The following SYNE2 variants were observed in gnomAD, a reference collection of about 807,000 sequenced individuals.
The protein encoded by SYNE2 is spectrin repeat containing nuclear envelope protein 2.
SYNE2 carries 431 observed loss-of-function variants against 856.3 expected under a neutral mutation model. The ratio of observed to expected loss-of-function variants is 0.50; its 90% CI spans 0.47 to 0.55. The LOEUF (loss-of-function observed/expected upper bound fraction) is 0.55. SYNE2 is among the 20% of genes least tolerant of loss of function. The pLI is 0.00. For missense variants in SYNE2, 8,129 were observed against 8,023.2 expected (o/e 1.01, Z -0.50); for synonymous variants, 2,923 against 2,872.3 (o/e 1.02, Z -0.56).
chr14:64,191,774 G>A (rs949915836), intron 99 of SYNE2, among the ~76,000 whole-genome samples: 1 of 151,734 alleles, frequency 6.6e-6, no homozygotes, highest in Non-Finnish European at 1.5e-5. Flanking sequence ...CCAGTTGGGG[G>A]AAAAAAAACA....
intron 28 of SYNE2, among the ~76,000 whole-genome samples, chr14:64,001,341 G>A (rs2096753346): frequency 6.6e-6 from 1 of 152,208 alleles, no homozygotes; most frequent in Non-Finnish European, 1.5e-5. Flanking sequence ...GAAAGGCTTA[G>A]TATGTTTTAC....
intron 51 of SYNE2, among the ~76,000 whole-genome samples, chr14:64,068,413 C>G (rs549536794): frequency 2.0e-5 from 3 of 152,182 alleles, no homozygotes; most frequent in Admixed American, 2.0e-4. Flanking sequence ...CTTTTTTTCA[C>G]TAAGCATAAT....
chr14:63,931,896 T>G (rs2095760965), intron 2 of SYNE2, among the ~76,000 whole-genome samples: 1 of 152,222 alleles, frequency 6.6e-6, no homozygotes, highest in African/African-American at 2.4e-5. Context: ...TAGCTGGGTC[T>G]ATAGGCATTT....
At chr14:63,972,562 G>A (rs746361249) in intron 11 of SYNE2, among the ~76,000 whole-genome samples, 3 of 152,100 alleles carry the variant, frequency 2.0e-5, no homozygotes, top group Non-Finnish European at 4.4e-5. Flanking sequence ...CATAGTAAAT[G>A]GTTTCATACT....
At chr14:63,773,771 T>G (rs1887008792) in intron 1 of SYNE2, among the ~76,000 whole-genome samples, 1 of 152,192 alleles carries the variant, frequency 6.6e-6, no homozygotes, top group Non-Finnish European at 1.5e-5. Context: ...AAGACTGTCA[T>G]GTCTAAAGCA....
Position 63,961,581 on chromosome 14 carries a change from C to G in SYNE2, c.844C>G (p.Leu282Val). 3 of 1,614,134 alleles carry G rather than the reference C, an allele frequency of 1.9e-6. No homozygotes were observed. Among genetic ancestry groups the G allele is most frequent in the Non-Finnish European group, 2.5e-6 (3 of 1,179,990 alleles). Residue 282 changes from leucine (L) to valine (V), a missense_variant, in exon 9 of 116, where the codon CTG becomes GTG. This residue lies in a region of SYNE2 where 2,422 missense variants were observed against 2,357.4 expected (regional missense o/e 1.03). Transcript: ENST00000555002. ...KSIMTYVAQF[L>V]QYSKDAPGTG... ...CATCATGACCTATGTGGCACAGTTT[C>G]TGCAGTATTCCAAAGATGCCCCTGG...
rs1567015699 is a variant in SYNE2 at position 64,000,628 on chromosome 14, CATGTGA to C, written c.3551_3556del (p.Val1184_Asn1185del). On this transcript the variant is annotated inframe_deletion, in exon 28 of 116. Coordinates refer to ENST00000555002, the MANE Select transcript of SYNE2 (RefSeq NM_182914.3). ...AATTATTTCATTGAAGTTAGAAAAT[CATGTGA>C]ATGACATAAAAAAGCCTTTTGTAAT... The C allele has an allele frequency of 6.2e-7, 1 of 1,613,378 alleles. No individual in the cohort carries two copies. The highest frequency in any genetic ancestry group is 2.2e-5 in the East Asian group (1 of 44,782).
intron 83 of SYNE2, 104 bp from the exon 84 acceptor site, chr14:64,145,964 G>A: frequency 1.3e-6 from 1 of 772,704 alleles, no homozygotes; most frequent in Admixed American, 3.6e-5. Context: ...TGAAATATTA[G>A]AAATTTGAAA....
At position 64,000,569 on chromosome 14, in the gene SYNE2, A is replaced by G. The variant is rs2096746272; in HGVS notation, c.3488A>G (p.Lys1163Arg). The G allele has an allele frequency of 4.3e-6, 7 of 1,613,250 alleles. No individual in the cohort carries two copies. Among genetic ancestry groups the G allele is most frequent in the Non-Finnish European group, 5.9e-6 (7 of 1,179,432 alleles). Residue 1163 changes from lysine (K) to arginine (R), a missense_variant, in exon 28 of 116, where the codon AAA (lysine) becomes AGA (arginine). Around this residue, in one of 3 missense-constraint regions of SYNE2, gnomAD observed 2,422 missense variants for 2,357.4 expected, o/e 1.03. Transcript: ENST00000555002. ...TTTATGTGTTCCATCTAGGTCATAAAAAATGAAACTGATGCTCGCTGGAAA... is the reference window on the plus strand; with the variant it reads ...TTTATGTGTTCCATCTAGGTCATAAGAAATGAAACTGATGCTCGCTGGAAA... ...QAKLTDLQVI[K>R]NETDARWKEF...
At chr14:63,908,909 C>T (rs953885376) in intron 1 of SYNE2, among the ~76,000 whole-genome samples, 189 bp from the exon 2 acceptor site, 1 of 152,116 alleles carries the variant, frequency 6.6e-6, no homozygotes, top group African/African-American at 2.4e-5. Flanking sequence ...AGTCATAGGG[C>T]AAAATCTTGA....
rs763976659 is a variant in SYNE2, at chr14:64,098,898, G to A, written c.12381+77G>A. Reference sequence around the variant, plus strand: ...GAAGTCAATGAAAAGATCTTAAAGTGAATGGAAACCTAAGAATTTTTAAAA... The same window carrying A: ...GAAGTCAATGAAAAGATCTTAAAGTAAATGGAAACCTAAGAATTTTTAAAA... On this transcript the variant is annotated intron_variant, in intron 63 of 115. Coordinates refer to ENST00000555002, the MANE Select transcript of SYNE2 (RefSeq NM_182914.3). The A allele has an allele frequency of 9.2e-6, 13 of 1,405,686 alleles. No individual in the cohort carries two copies. In the Admixed American group the frequency reaches 2.2e-4, roughly 24 times the overall value. 87.1% of individuals were successfully genotyped at this position (1,405,686 alleles called of 1,614,324 possible).
rs907267902 is a variant in SYNE2, at chr14:64,009,678, T to G, written c.4578-288T>G. Among the ~76,000 whole-genome samples, 4 of 152,170 alleles carry G rather than the reference T, an allele frequency of 2.6e-5. No individual in the cohort carries two copies. The East Asian group carries it at 7.7e-4, about 29-fold the overall frequency. On this transcript the variant is annotated intron_variant, in intron 31 of 115. Transcript: ENST00000555002. ...CTTTTGGTTAATGATGAAATTGAGA[T>G]GCTGATTCCTTAGGGTGATGAATCT...
chr14:63,991,212 G>A, intron 21 of SYNE2, 97 bp downstream of exon 21: 1 of 1,219,580 alleles, frequency 8.2e-7, no homozygotes, highest in Non-Finnish European at 1.2e-6. Flanking sequence ...TATATACTGA[G>A]TTACTGTAAC....
At chr14:64,019,019 C>G (rs1389444663) in intron 34 of SYNE2, among the ~76,000 whole-genome samples, 1 of 152,056 alleles carries the variant, frequency 6.6e-6, no homozygotes, top group East Asian at 1.9e-4. Context: ...ACCTGTAATC[C>G]CAGCATTTTG....
intron 35 of SYNE2, among the ~76,000 whole-genome samples, chr14:64,021,059 C>T (rs1386700786): frequency 6.6e-6 from 1 of 152,018 alleles, no homozygotes; most frequent in Non-Finnish European, 1.5e-5. Flanking sequence ...CTAGATTAAA[C>T]TTGTGTTGAG....
At chr14:64,002,167 T>G in intron 29 of SYNE2, 86 bp downstream of exon 29, 1 of 1,142,438 alleles carries the variant, frequency 8.8e-7, no homozygotes, top group Admixed American at 1.7e-5. Context: ...TAATTATTCA[T>G]GATAGCATAG....
At chr14:64,200,213 A>G (rs1438603375) in intron 99 of SYNE2, among the ~76,000 whole-genome samples, 1 of 152,232 alleles carries the variant, frequency 6.6e-6, no homozygotes, top group Non-Finnish European at 1.5e-5. Context: ...TTTTCAAAAT[A>G]AGAAAGAGGC....
chr14:63,843,425 T>G (rs1430503928), intron 1 of SYNE2, among the ~76,000 whole-genome samples: 2 of 152,224 alleles, frequency 1.3e-5, no homozygotes, highest in African/African-American at 4.8e-5. Flanking sequence ...TCTAGGTATA[T>G]TCTCATAATA....
chr14:63,802,727 T>G (rs1888193001), intron 1 of SYNE2, among the ~76,000 whole-genome samples: 1 of 152,148 alleles, frequency 6.6e-6, no homozygotes, highest in South Asian at 2.1e-4. Flanking sequence ...CTTCTGATGT[T>G]CAGATGTGTT....
Sources: allele counts gnomAD v4.1 joint callset (sites outside exome capture counted in the v4.1 genomes callset), GRCh38; gene constraint gnomAD v4.1.1; regional missense constraint gnomAD v4.1.1; transcripts MANE v1.5; gene names NCBI Gene and HGNC (gene_info 2026-07-23, HGNC 2026-07-21).